Variants in IPO9 observed in about 807,000 individuals in gnomAD.
IPO9 encodes the protein importin 9.
A neutral mutation model predicts 128.6 loss-of-function variants in IPO9; 28 were observed. The observed-to-expected ratio is 0.22, with a 90% CI of 0.16 to 0.30. IPO9 has a LOEUF of 0.30. Among genes scored for constraint, IPO9 ranks in the 10% least tolerant of loss-of-function variants. The pLI is 1.00. For synonymous variants in IPO9, 455 were observed against 475.8 expected (o/e 0.96, Z 0.57); for missense variants, 935 against 1,293.9 (o/e 0.72, Z 4.26).
chr1:201,871,388 T>TC, intron 19 of IPO9, 61 bp downstream of exon 19: 1 of 1,059,740 alleles, frequency 9.4e-7, no homozygotes. Flanking sequence ...TTTTTTTTTT[T>TC]TTTTTTTTTT....
At position 201,871,183 on chromosome 1, in the gene IPO9, A is replaced by G. The variant is rs367869013; in HGVS notation, c.2432A>G (p.His811Arg). ...TAGTCCCTGATCATGGTGTTCGCTC[A>G]TCTGGTGCACACTCAGCTAGAACCT... ...VMQSLIMVFA[H>R]LVHTQLEPLL... Residue 811 changes from histidine (H) to arginine (R), a missense_variant, in exon 19 of 24, where the codon CAT (histidine) becomes CGT (arginine). Transcript: ENST00000361565. 3.7e-6 allele frequency: 6 copies of G among 1,613,428 alleles called. No individual in the cohort carries two copies. Among genetic ancestry groups the G allele is most frequent in the East Asian group, 2.2e-5 (1 of 44,850 alleles).
At position 201,841,556 on chromosome 1, in the gene IPO9, G is replaced by A. The variant is rs146631081; in HGVS notation, c.164-5723G>A. ...GCCTAGGAATAGTGATACTCCTGTAGCAATGAACATACCTAGTGCTCACAT... is the reference window on the plus strand; with the variant it reads ...GCCTAGGAATAGTGATACTCCTGTAACAATGAACATACCTAGTGCTCACAT... On this transcript the variant is annotated intron_variant, in intron 1 of 23. Transcript: ENST00000361565. 8.3e-3 allele frequency among the ~76,000 whole-genome samples: 1,265 copies of A among 152,288 alleles called. 6 individuals carry two copies. Among genetic ancestry groups the A allele is most frequent in the Non-Finnish European group, 0.014 (949 of 68,014 alleles).
intron 11 of IPO9, among the ~76,000 whole-genome samples, chr1:201,857,774 G>A (rs1225707186): frequency 1.8e-5 from 2 of 109,634 alleles, no homozygotes; most frequent in Non-Finnish European, 4.1e-5. Context: ...CAGCCTGGGC[G>A]ACAAGAGTGA....
At chr1:201,835,671 A>G (rs1015955306) in intron 1 of IPO9, among the ~76,000 whole-genome samples, 2 of 152,242 alleles carry the variant, frequency 1.3e-5, no homozygotes, top group African/African-American at 4.8e-5. Flanking sequence ...CATAGATTGA[A>G]TGTTAGTTTA....
Position 201,857,199 on chromosome 1 carries a change from G to A in IPO9, c.1221+5G>A. On this transcript the variant is annotated splice_donor_5th_base_variant and intron_variant, in intron 11 of 23. Coordinates refer to ENST00000361565, the MANE Select transcript of IPO9 (RefSeq NM_018085.5). ...GCAGCTCAAGACTTGTTGCTGGTAA[G>A]TTTACCTTGATACTTCAGCCACATA... The A allele has an allele frequency of 6.4e-7, 1 of 1,561,636 alleles. No homozygotes were observed. The highest frequency in any genetic ancestry group is 8.8e-7 in the Non-Finnish European group (1 of 1,132,520).
chr1:201,874,489 C>A, intron 21 of IPO9, 117 bp downstream of exon 21: 3 of 1,177,316 alleles, frequency 2.5e-6, no homozygotes, highest in East Asian at 2.5e-5. Context: ...GATGGAATGG[C>A]TGCTCTGTGG....
At chr1:201,855,692 A>T (rs2102879134) in intron 9 of IPO9, 91 bp from the exon 10 acceptor site, 1 of 1,140,148 alleles carries the variant, frequency 8.8e-7, no homozygotes, top group Non-Finnish European at 1.2e-6. Flanking sequence ...AATATTCAGT[A>T]ATTTACAAAG....
At chr1:201,862,538 G>C (rs1293908040) in intron 13 of IPO9, among the ~76,000 whole-genome samples, 5 of 152,042 alleles carry the variant, frequency 3.3e-5, no homozygotes, top group Admixed American at 2.0e-4. Flanking sequence ...CGGGTACCAT[G>C]GCTCACACCT....
At chr1:201,865,640 TTAAA>T (rs886966472) in intron 14 of IPO9, among the ~76,000 whole-genome samples, 3 of 152,372 alleles carry the variant, frequency 2.0e-5, no homozygotes, top group Admixed American at 2.0e-4. Context: ...GCAAACTCCC[TTAAA>T]TAATCTCTGA....
At chr1:201,866,660 A>T (rs771611787) in intron 14 of IPO9, 73 bp from the exon 15 acceptor site, 5 of 1,123,716 alleles carry the variant, frequency 4.4e-6, no homozygotes, top group Non-Finnish European at 5.4e-6. Context: ...AAATGCTATA[A>T]TATGTGAGAT....
chr1:201,880,519 T>C lies in IPO9; in HGVS notation c.*4465T>C, dbSNP rs1024228159. 2 of 152,182 alleles carry C rather than the reference T, an allele frequency of 1.3e-5. No individual in the cohort carries two copies. The highest frequency in any genetic ancestry group is 4.8e-5 in the African/African-American group (2 of 41,442). 9.4% of individuals were successfully genotyped at this position (152,182 alleles called of 1,614,324 possible). ...ATGGCTTTGGGAAGTTCAAGGATGG[T>C]CCAGTGAAATACATACTATACTTTT... On this transcript the variant is annotated 3_prime_UTR_variant, in exon 24 of 24. Coordinates refer to ENST00000361565, the MANE Select transcript of IPO9 (RefSeq NM_018085.5).
At chr1:201,843,087 G>A (rs190148847) in intron 1 of IPO9, among the ~76,000 whole-genome samples, 1 of 152,308 alleles carries the variant, frequency 6.6e-6, no homozygotes, top group East Asian at 1.9e-4. Flanking sequence ...GGTCTAGATT[G>A]CAGGCAACAA....
chr1:201,861,953 G>C (rs1309024826), intron 13 of IPO9, among the ~76,000 whole-genome samples: 1 of 150,632 alleles, frequency 6.6e-6, no homozygotes, highest in Non-Finnish European at 1.5e-5. Flanking sequence ...AAGGCAGAGA[G>C]CTGGGAGAGT....
At chr1:201,830,318 A>AAAT (rs1161050038) in intron 1 of IPO9, among the ~76,000 whole-genome samples, 2 of 152,234 alleles carry the variant, frequency 1.3e-5, no homozygotes, top group African/African-American at 4.8e-5. Flanking sequence ...GAGATATGGG[A>AAAT]AATTGTCCCA....
At chr1:201,872,576 C>A (rs1262537214) in intron 19 of IPO9, among the ~76,000 whole-genome samples, 1 of 151,984 alleles carries the variant, frequency 6.6e-6, no homozygotes, top group Non-Finnish European at 1.5e-5. Context: ...CTGCACTCAG[C>A]CTGGGTGACA....
At position 201,874,848 on chromosome 1, in the gene IPO9, G is replaced by C; in HGVS notation, c.2850G>C (p.Met950Ile). ...TCCAAGTAGATGACTCCAATGATATGTGGGAGGACCAGGAGGAGGAAGAGG... is the reference window on the plus strand; with the variant it reads ...TCCAAGTAGATGACTCCAATGATATCTGGGAGGACCAGGAGGAGGAAGAGG... ...AEWSQDDSND[M>I]WEDQEEEEEE... The change falls in exon 22 of 24, where the codon ATG becomes ATC. Residue 950 changes from methionine (M) to isoleucine (I), a missense_variant. Physicochemically the swap from Met to Ile is conservative, Grantham distance 10. Coordinates refer to ENST00000361565, the MANE Select transcript of IPO9 (RefSeq NM_018085.5). 6.2e-7 allele frequency: 1 copy of C among 1,612,490 alleles called. No homozygotes were observed. Among genetic ancestry groups the C allele is most frequent in the Non-Finnish European group, 8.5e-7 (1 of 1,178,474 alleles).
chr1:201,831,540 G>A (rs150201363), intron 1 of IPO9, among the ~76,000 whole-genome samples: 6 of 152,238 alleles, frequency 3.9e-5, no homozygotes, highest in East Asian at 3.9e-4. Flanking sequence ...GGAGAATGGC[G>A]GTCCATTCCC....
intron 8 of IPO9, 44 bp downstream of exon 8, chr1:201,854,967 T>A (rs545952424): frequency 4.7e-6 from 7 of 1,499,262 alleles, no homozygotes; most frequent in Non-Finnish European, 6.3e-6. Flanking sequence ...CCACCTATAG[T>A]TAGGAATCTC....
chr1:201,875,347 T>A, intron 23 of IPO9, 119 bp downstream of exon 23: 1 of 904,468 alleles, frequency 1.1e-6, no homozygotes, highest in Admixed American at 1.8e-5. Context: ...CCCAACACTT[T>A]GGGAGGTCAA....
Sources: gnomAD v4.1 joint callset for allele counts (sites outside exome capture counted in the v4.1 genomes callset) on GRCh38, gnomAD v4.1.1 for gene constraint, MANE v1.5 for transcripts, NCBI Gene and HGNC (gene_info 2026-07-23, HGNC 2026-07-21) for gene names.